The following NOL4 variants were observed in gnomAD, a reference collection of about 807,000 sequenced individuals.
The protein encoded by NOL4 is cancer/testis antigen 125.
A neutral mutation model predicts 75.9 loss-of-function variants in NOL4; 17 were observed. That is an observed-to-expected ratio of 0.22 (90% confidence interval 0.15 to 0.34). The LOEUF is 0.34. Ranked by LOEUF, NOL4 falls within the 10% of genes least tolerant of loss-of-function variation. The pLI is 1.00. For synonymous variants in NOL4, 292 were observed against 289.9 expected (o/e 1.01, Z -0.07); for missense variants, 614 against 793.5 (o/e 0.77, Z 2.72).
chr18:33,981,735 T>G (rs2071977833), intron 6 of NOL4, among the ~76,000 whole-genome samples: 1 of 152,106 alleles, frequency 6.6e-6, no homozygotes, highest in Non-Finnish European at 1.5e-5. Context: ...CTTGGACTTA[T>G]TTTTTCAAAG....
At chr18:34,111,292 T>G (rs1167630719) in intron 2 of NOL4, among the ~76,000 whole-genome samples, 1 of 152,172 alleles carries the variant, frequency 6.6e-6, no homozygotes. Context: ...CTCAAAAAAT[T>G]TCATAGCAAT....
intron 1 of NOL4, among the ~76,000 whole-genome samples, chr18:34,157,557 G>A (rs1373784212): frequency 6.7e-6 from 1 of 149,916 alleles, no homozygotes; most frequent in Non-Finnish European, 1.5e-5. Context: ...TAGAAGACAA[G>A]AAAATAAGAT....
intron 1 of NOL4, among the ~76,000 whole-genome samples, chr18:34,141,809 C>A (rs2081178212): frequency 6.6e-6 from 1 of 151,808 alleles, no homozygotes; most frequent in African/African-American, 2.4e-5. Context: ...AAAGCAATGG[C>A]AACAAAAGCC....
At chr18:34,170,374 A>T (rs2032907273) in intron 1 of NOL4, among the ~76,000 whole-genome samples, 1 of 151,674 alleles carries the variant, frequency 6.6e-6, no homozygotes, top group African/African-American at 2.4e-5. Flanking sequence ...TTTTTTTAGT[A>T]GAGAGATGGG....
intron 1 of NOL4, among the ~76,000 whole-genome samples, chr18:34,136,934 G>C (rs2080916917): frequency 6.6e-6 from 1 of 152,064 alleles, no homozygotes; most frequent in African/African-American, 2.4e-5. Flanking sequence ...GTCTTTATTA[G>C]ATAGTGTGGT....
intron 10 of NOL4, among the ~76,000 whole-genome samples, chr18:33,873,294 AT>A (rs1177471281): frequency 3.9e-5 from 6 of 152,080 alleles, no homozygotes; most frequent in African/African-American, 1.2e-4. Flanking sequence ...CTGGAGCAGG[AT>A]GACAATGGTT....
intron 9 of NOL4, among the ~76,000 whole-genome samples, chr18:33,926,084 C>T (rs917776186): frequency 6.6e-5 from 10 of 151,804 alleles, no homozygotes; most frequent in Non-Finnish European, 1.3e-4. Flanking sequence ...ATCTTAGGCC[C>T]GGTGTGGTGG....
At chr18:34,138,229 A>G (rs1023975518) in intron 1 of NOL4, among the ~76,000 whole-genome samples, 1 of 152,004 alleles carries the variant, frequency 6.6e-6, no homozygotes, top group Non-Finnish European at 1.5e-5. Context: ...TGAGACCCTC[A>G]TCACTATAAA....
intron 5 of NOL4, among the ~76,000 whole-genome samples, chr18:34,039,925 T>G (rs1443303677): frequency 6.6e-6 from 1 of 151,990 alleles, no homozygotes; most frequent in Non-Finnish European, 1.5e-5. Flanking sequence ...ACTCAACATT[T>G]TATTATAAAC....
At chr18:34,041,224 TC>T (rs1316686773) in intron 5 of NOL4, among the ~76,000 whole-genome samples, 1 of 151,492 alleles carries the variant, frequency 6.6e-6, no homozygotes, top group East Asian at 1.9e-4. Context: ...GAAAATCAAG[TC>T]TTGAGGTCAA....
intron 1 of NOL4, among the ~76,000 whole-genome samples, chr18:34,173,704 C>T (rs2033272350): frequency 1.3e-5 from 2 of 152,190 alleles, no homozygotes; most frequent in South Asian, 4.1e-4. Context: ...CTGTGGGGCT[C>T]CACATATCTT....
intron 1 of NOL4, among the ~76,000 whole-genome samples, chr18:34,167,999 T>G (rs1018550232): frequency 6.7e-6 from 1 of 150,114 alleles, no homozygotes; most frequent in Non-Finnish European, 1.5e-5. Flanking sequence ...GCATTTTACA[T>G]TTTTTTCTGT....
intron 10 of NOL4, among the ~76,000 whole-genome samples, chr18:33,869,012 ATGGTCCTCTTTTTGGCAATT>A (rs1047219038): frequency 1.2e-4 from 18 of 151,976 alleles, no homozygotes; most frequent in African/African-American, 4.3e-4. Context: ...CATTAAAAAA[ATGGTCCTCTTTTTGGCAATT>A]TGCTGCTTCC....
intron 5 of NOL4, among the ~76,000 whole-genome samples, chr18:34,087,289 T>C (rs1220626847): frequency 6.6e-6 from 1 of 152,104 alleles, no homozygotes; most frequent in Non-Finnish European, 1.5e-5. Context: ...CCAACAGTTA[T>C]ATCTGTTAAT....
intron 10 of NOL4, among the ~76,000 whole-genome samples, chr18:33,860,028 T>C (rs1309655365): frequency 1.3e-5 from 2 of 152,058 alleles, no homozygotes. Flanking sequence ...TCAGGAAACT[T>C]ACAGTCATGG....
chr18:33,899,661 C>A (rs1432599262), intron 9 of NOL4, among the ~76,000 whole-genome samples: 2 of 152,108 alleles, frequency 1.3e-5, no homozygotes, highest in African/African-American at 4.8e-5. Flanking sequence ...TGAATGGACT[C>A]GATTCAGAAG....
chr18:34,222,697 G>A (rs2037405180), intron 1 of NOL4, among the ~76,000 whole-genome samples: 1 of 152,202 alleles, frequency 6.6e-6, no homozygotes, highest in South Asian at 2.1e-4. Flanking sequence ...AGACGCCGCC[G>A]CCCGACCCGG....
intron 1 of NOL4, among the ~76,000 whole-genome samples, chr18:34,201,739 A>ATCTT (rs2035758699): frequency 6.6e-6 from 1 of 151,876 alleles, no homozygotes; most frequent in Non-Finnish European, 1.5e-5. Context: ...ACCACCTGAA[A>ATCTT]TCTTTCAAAA....
chr18:33,879,390 G>A (rs2064122054), intron 10 of NOL4, among the ~76,000 whole-genome samples: 1 of 152,006 alleles, frequency 6.6e-6, no homozygotes, highest in Non-Finnish European at 1.5e-5. Flanking sequence ...GGTATTTCCT[G>A]GCTGGGCATG....
Sources: allele counts gnomAD v4.1 joint callset (sites outside exome capture counted in the v4.1 genomes callset), GRCh38; gene constraint gnomAD v4.1.1; transcripts MANE v1.5; gene names NCBI Gene and HGNC (gene_info 2026-07-23, HGNC 2026-07-21).